The following NHERF2 variants were observed in gnomAD, a reference collection of about 807,000 sequenced individuals.
The protein encoded by NHERF2 is Na(+)/H(+) exchange regulatory cofactor NHE-RF2.
chr16:2,038,310 C>T, the NHERF2 span: 1 of 540,544 alleles, frequency 1.8e-6, no homozygotes, highest in Non-Finnish European at 3.4e-6. Context: ...TGCTGCTCTG[C>T]CGGGGCCTGC....
chr16:2,033,484 G>C, the NHERF2 span: 4 of 1,489,032 alleles, frequency 2.7e-6, no homozygotes, highest in Admixed American at 8.6e-5. Flanking sequence ...CAGCCGCTCA[G>C]CCTCCCGGGG....
chr16:2,035,679 C>A, the NHERF2 span: 7 of 985,526 alleles, frequency 7.1e-6, no homozygotes, highest in Non-Finnish European at 8.4e-6. Context: ...AGAGCCCTAC[C>A]GCAGGATGCC....
chr16:2,034,690 C>T, the NHERF2 span, among the ~76,000 whole-genome samples: 1 of 69,708 alleles, frequency 1.4e-5, no homozygotes, highest in Non-Finnish European at 2.9e-5. Context: ...CGTCCCAGGC[C>T]AGCCTGGGGG....
chr16:2,027,176 C>G, the NHERF2 span: 2 of 1,463,784 alleles, frequency 1.4e-6, no homozygotes, highest in Non-Finnish European at 1.8e-6. Context: ...ACCGCCTGGT[C>G]GAGGTCAACG....
At chr16:2,033,790 G>A in the NHERF2 span, among the ~76,000 whole-genome samples, 1 of 152,114 alleles carries the variant, frequency 6.6e-6, no homozygotes, top group East Asian at 1.9e-4. Flanking sequence ...TATGAACGCC[G>A]CCCGAGCTCC....
the NHERF2 span, among the ~76,000 whole-genome samples, chr16:2,034,123 G>A: frequency 2.6e-5 from 4 of 152,212 alleles, no homozygotes; most frequent in East Asian, 3.9e-4. Context: ...CCCGCAGGCC[G>A]CTGTGCAGGC....
At chr16:2,036,725 C>T in the NHERF2 span, 1 of 1,610,898 alleles carries the variant, frequency 6.2e-7, no homozygotes, top group Admixed American at 1.7e-5. Flanking sequence ...CTGGTGGCGG[C>T]AGGTGAACGG....
chr16:2,028,045 T>C, the NHERF2 span, among the ~76,000 whole-genome samples: 1 of 152,160 alleles, frequency 6.6e-6, no homozygotes, highest in African/African-American at 2.4e-5. Flanking sequence ...CCCTGAGGTG[T>C]GTCTGTCTCC....
chr16:2,033,120 C>T, the NHERF2 span: 4 of 1,397,964 alleles, frequency 2.9e-6, no homozygotes, highest in Non-Finnish European at 3.7e-6. Flanking sequence ...TCCTTCCTTT[C>T]TTGGGACGGA....
At chr16:2,035,392 C>T in the NHERF2 span, 1 of 981,124 alleles carries the variant, frequency 1.0e-6, no homozygotes, top group Non-Finnish European at 1.2e-6. Context: ...CCGCCCCAGC[C>T]CTGGCCTGGC....
chr16:2,038,558 T>G, the NHERF2 span: 2 of 339,248 alleles, frequency 5.9e-6, no homozygotes, highest in East Asian at 1.3e-4. Flanking sequence ...AGTGGCCAAG[T>G]TGGGGCGCCC....
chr16:2,037,030 G>A, the NHERF2 span: 1 of 1,548,464 alleles, frequency 6.5e-7, no homozygotes, highest in East Asian at 2.4e-5. Flanking sequence ...GAGACACAGG[G>A]TGCCTCTGGG....
the NHERF2 span, chr16:2,036,480 C>T: frequency 1.4e-5 from 22 of 1,596,848 alleles, no homozygotes; most frequent in East Asian, 1.4e-4. Context: ...CTCTGGCCTC[C>T]GCGCCCAGGA....
At chr16:2,038,231 GAGAGAGAGACAC>G in the NHERF2 span, 50 of 590,182 alleles carry the variant, frequency 8.5e-5, no homozygotes, top group Non-Finnish European at 1.5e-4. Flanking sequence ...CAGAGAGAGA[GAGAGAGAGACAC>G]AGAGAGAGAC....
chr16:2,030,226 G>A, the NHERF2 span, among the ~76,000 whole-genome samples: 182 of 152,320 alleles, frequency 1.2e-3, no homozygotes, highest in African/African-American at 4.0e-3. Context: ...GGAGAGGGCC[G>A]GCCTTCTCCA....
At chr16:2,029,985 G>A in the NHERF2 span, among the ~76,000 whole-genome samples, 1 of 152,200 alleles carries the variant, frequency 6.6e-6, no homozygotes, top group African/African-American at 2.4e-5. Context: ...AACTGGGTAG[G>A]GTCAGGGCAG....
At chr16:2,031,253 A>G in the NHERF2 span, among the ~76,000 whole-genome samples, 70 of 152,272 alleles carry the variant, frequency 4.6e-4, no homozygotes, top group East Asian at 0.01. Flanking sequence ...AGGGCGGGCC[A>G]CAGTGGTGCT....
the NHERF2 span, chr16:2,038,976 C>T: frequency 3.9e-5 from 6 of 152,830 alleles, no homozygotes; most frequent in African/African-American, 1.4e-4. Context: ...GCTGTTGCCT[C>T]GTAAGCCATA....
the NHERF2 span, chr16:2,036,363 T>C: frequency 6.2e-7 from 1 of 1,610,908 alleles, no homozygotes; most frequent in Non-Finnish European, 8.5e-7. Flanking sequence ...CCCTCGGCTC[T>C]GCCACCTGCG....
Sources: allele counts gnomAD v4.1 joint callset (sites outside exome capture counted in the v4.1 genomes callset), GRCh38; gene constraint gnomAD v4.1.1; transcripts MANE v1.5; gene names NCBI Gene and HGNC (gene_info 2026-07-23, HGNC 2026-07-21).